Variants in PCDHGB6 observed in about 807,000 individuals in gnomAD.
PCDHGB6 encodes protocadherin gamma subfamily B, 6.
Under a neutral mutation model 59.1 loss-of-function variants are expected in PCDHGB6, and 51 were observed. The observed-to-expected ratio is 0.86, with a 90% CI of 0.69 to 1.09. PCDHGB6 has a LOEUF of 1.09. Ranked by LOEUF, PCDHGB6 falls within the 50% of genes least tolerant of loss-of-function variation. The pLI, the probability that PCDHGB6 is intolerant of heterozygous loss-of-function variation, is 0.00. For synonymous variants in PCDHGB6, 466 were observed against 495.1 expected (o/e 0.94, Z 0.78); for missense variants, 1,148 against 1,205.1 (o/e 0.95, Z 0.70).
chr5:141,499,725 C>T (rs554409998), intron 2 of PCDHGB6, among the ~76,000 whole-genome samples: 3 of 138,474 alleles, frequency 2.2e-5, no homozygotes, highest in African/African-American at 5.4e-5. Context: ...GACAGAGTCT[C>T]ACTCTCTTGC....
intron 1 of PCDHGB6, chr5:141,423,755 G>T (rs1236551808): frequency 9.8e-6 from 5 of 512,508 alleles, no homozygotes; most frequent in Non-Finnish European, 1.3e-5. Flanking sequence ...CTGTTTGGGG[G>T]GGGGGTGGGG....
chr5:141,419,699 C>A (rs1488905080), intron 1 of PCDHGB6: 1 of 1,612,924 alleles, frequency 6.2e-7, no homozygotes. Context: ...GGCCAGTGAG[C>A]CCGGGCTCTT....
intron 1 of PCDHGB6, chr5:141,415,512 T>G (rs997659180): frequency 3.1e-6 from 5 of 1,614,234 alleles, no homozygotes; most frequent in Non-Finnish European, 4.2e-6. Context: ...AGCCCAATTA[T>G]GCGGACACGC....
intron 1 of PCDHGB6, among the ~76,000 whole-genome samples, chr5:141,425,325 A>G (rs1371591408): frequency 6.6e-6 from 1 of 152,240 alleles, no homozygotes. Context: ...ATCGTGGAGA[A>G]CAAAAAGGAA....
chr5:141,509,719 C>G (rs2099877973), intron 3 of PCDHGB6, among the ~76,000 whole-genome samples: 1 of 152,152 alleles, frequency 6.6e-6, no homozygotes, highest in Non-Finnish European at 1.5e-5. Flanking sequence ...TGTCTGATGT[C>G]ACCTAGCTGT....
In PCDHGB6 at chr5:141,477,294, C is replaced by G. The variant is rs753131175; in HGVS notation, c.2419-17513C>G. On this transcript the variant is annotated intron_variant, in intron 1 of 3. Coordinates refer to ENST00000520790, the MANE Select transcript of PCDHGB6 (RefSeq NM_018926.3). This position sits in a 1 kb window ranked among gnomAD's most constrained non-coding sequence, Gnocchi z 4.9. ...GGGCTGGTGACCTGCGAAGTTCCACCGGGTCTCCCTTTCAGCCTTACTTCT... is the reference window on the plus strand; with the variant it reads ...GGGCTGGTGACCTGCGAAGTTCCACGGGGTCTCCCTTTCAGCCTTACTTCT... The G allele has an allele frequency of 2.1e-5, 34 of 1,614,024 alleles. No individual in the cohort carries two copies. Among genetic ancestry groups the G allele is most frequent in the Non-Finnish European group, 2.9e-5 (34 of 1,180,036 alleles).
Position 141,410,165 on chromosome 5 carries a change from T to G in PCDHGB6, c.1963T>G (p.Ser655Ala). ...GCGTGACGGTGGACAGCCGCCACTC[T>G]CTGCCACCGCCACGCTTCATCTGGT... ...AVRDGGQPPL[S>A]ATATLHLVFA... Residue 655 changes from serine to alanine, a missense_variant, in exon 1 of 4, where the codon TCT becomes GCT. Physicochemically the swap from Ser to Ala is moderately conservative, Grantham distance 99. Transcript: ENST00000520790. 3 of 1,613,714 alleles carry G rather than the reference T, an allele frequency of 1.9e-6. No homozygotes were observed. Among genetic ancestry groups the G allele is most frequent in the Non-Finnish European group, 2.5e-6 (3 of 1,179,804 alleles).
chr5:141,505,507 A>G, intron 3 of PCDHGB6, 26 bp downstream of exon 3: 1 of 1,614,004 alleles, frequency 6.2e-7, no homozygotes, highest in South Asian at 1.1e-5. Flanking sequence ...GTGTGTATGG[A>G]AGAGTGGGAG....
At chr5:141,413,531 A>G (rs1472068242) in intron 1 of PCDHGB6, 6 of 1,613,818 alleles carry the variant, frequency 3.7e-6, no homozygotes, top group Non-Finnish European at 5.1e-6. Flanking sequence ...GACAGGGTGA[A>G]ACTTTTTGGG....
At chr5:141,417,656 G>A (rs1561768422) in intron 1 of PCDHGB6, 1 of 854,026 alleles carries the variant, frequency 1.2e-6, no homozygotes, top group Non-Finnish European at 1.7e-6. Context: ...CCTCTAGCCT[G>A]GGATTCCCTG....
At chr5:141,457,953 C>G (rs12188170) in intron 1 of PCDHGB6, among the ~76,000 whole-genome samples, 6,291 of 152,286 alleles carry the variant, frequency 0.041, 196 homozygotes, top group Admixed American at 0.075. Context: ...GCATGTCAAG[C>G]TTGATTCCTT....
At chr5:141,422,640 C>T in intron 1 of PCDHGB6, 1 of 1,612,590 alleles carries the variant, frequency 6.2e-7, no homozygotes, top group South Asian at 1.1e-5. Flanking sequence ...GGGGTGCCTC[C>T]ATCTTCTCAG....
chr5:141,494,740 T>C, intron 1 of PCDHGB6, 67 bp from the exon 2 acceptor site: 1 of 1,612,194 alleles, frequency 6.2e-7, no homozygotes, highest in Non-Finnish European at 8.5e-7. Context: ...GGCCCATCCC[T>C]AGGGGCTCGG....
chr5:141,465,519 T>C (rs2099104752), intron 1 of PCDHGB6, among the ~76,000 whole-genome samples: 1 of 152,224 alleles, frequency 6.6e-6, no homozygotes, highest in East Asian at 1.9e-4. Context: ...GGAAGGATTC[T>C]GGGGAAGTTT....
At chr5:141,484,908 G>T in intron 1 of PCDHGB6, 1 of 415,428 alleles carries the variant, frequency 2.4e-6, no homozygotes, top group East Asian at 4.2e-5. Context: ...ATGCTGCGAC[G>T]CATTAACCCT....
At chr5:141,450,241 C>T (rs1236675009) in intron 1 of PCDHGB6, among the ~76,000 whole-genome samples, 1 of 152,094 alleles carries the variant, frequency 6.6e-6, no homozygotes, top group East Asian at 1.9e-4. Flanking sequence ...TAGTCTTGAA[C>T]TCCTGACCTC....
At position 141,408,634 on chromosome 5, in the gene PCDHGB6, A is replaced by C; in HGVS notation, c.432A>C (p.Glu144Asp). Reference sequence around the variant, plus strand: ...AGGAAATACATTTAGAAATTTTCGAATCTGCATCCGCTGGTACACGACTAT... The same window carrying C: ...AGGAAATACATTTAGAAATTTTCGACTCTGCATCCGCTGGTACACGACTAT... ...DKKEIHLEIF[E>D]SASAGTRLSL... is the part of the protein sequence containing the mutation. The change falls in exon 1 of 4, where the codon GAA (glutamate) becomes GAC (aspartate). Residue 144 changes from glutamate (E) to aspartate (D), a missense_variant. Around this residue, in one of 5 missense-constraint regions of PCDHGB6, gnomAD observed 307 missense variants for 323.8 expected, o/e 0.95. Transcript: ENST00000520790. The C allele has an allele frequency of 1.2e-6, 2 of 1,614,040 alleles. No individual in the cohort carries two copies. The highest frequency in any genetic ancestry group is 2.2e-5 in the South Asian group (2 of 91,082).
chr5:141,495,839 A>G (rs2099764148), intron 2 of PCDHGB6, among the ~76,000 whole-genome samples: 1 of 150,756 alleles, frequency 6.6e-6, no homozygotes, highest in South Asian at 2.1e-4. Flanking sequence ...CCCAGCCTCT[A>G]TGTTTCTCTG....
Position 141,476,667 on chromosome 5 carries a change from T to C in PCDHGB6, c.2419-18140T>C. 6.2e-7 allele frequency: 1 copy of C among 1,614,234 alleles called. No individual in the cohort carries two copies. Among genetic ancestry groups the C allele is most frequent in the Non-Finnish European group, 8.5e-7 (1 of 1,180,042 alleles). ...CGAAATGAATACTTTGCGCTTCGCG[T>C]GCAGACGCGGGAGGACAGCACCAAG... On this transcript the variant is annotated intron_variant, in intron 1 of 3. Transcript: ENST00000520790. The surrounding 1 kb of genome is among the most constrained non-coding windows in gnomAD (Gnocchi z 7.6).
Sources: gnomAD v4.1 joint callset for allele counts (sites outside exome capture counted in the v4.1 genomes callset) on GRCh38, gnomAD v4.1.1 for gene constraint, gnomAD v4.1.1 regional missense constraint, Gnocchi (gnomAD v3.1) non-coding constraint, MANE v1.5 for transcripts, NCBI Gene and HGNC (gene_info 2026-07-23, HGNC 2026-07-21) for gene names.